Variants in CELF4 observed in about 807,000 individuals in gnomAD.
CELF4 encodes CUGBP Elav-like family member 4.
CELF4 carries 18 observed loss-of-function variants against 59.9 expected under a neutral mutation model. The observed-to-expected ratio is 0.30, with a 90% CI of 0.21 to 0.45. The LOEUF (loss-of-function observed/expected upper bound fraction) is 0.45. CELF4 is among the 20% of genes least tolerant of loss of function. CELF4 has a pLI of 1.00. For missense variants in CELF4, 456 were observed against 689.0 expected, an observed-to-expected ratio of 0.66 and a Z score of 3.79; for synonymous variants, 261 against 267.1, an observed-to-expected ratio of 0.98 and a Z score of 0.22.
chr18:37,506,082 G>A (rs769493834), intron 1 of CELF4, among the ~76,000 whole-genome samples: 855 of 85,070 alleles, frequency 0.01, 17 homozygotes, highest in South Asian at 0.09. Flanking sequence ...CACCCCCAAC[G>A]CCGCCCCCCT....
chr18:37,509,265 C>A (rs1310653592), intron 1 of CELF4, among the ~76,000 whole-genome samples: 2 of 152,180 alleles, frequency 1.3e-5, no homozygotes, highest in Non-Finnish European at 2.9e-5. Context: ...TGGAATTGAT[C>A]TAAATTTATA....
intron 2 of CELF4, among the ~76,000 whole-genome samples, chr18:37,462,648 G>A (rs2099796916): frequency 6.6e-6 from 1 of 152,190 alleles, no homozygotes; most frequent in African/African-American, 2.4e-5. Flanking sequence ...GGAGAGGGGA[G>A]TAGGGTTGTT....
intron 1 of CELF4, among the ~76,000 whole-genome samples, chr18:37,501,491 G>A (rs1024986501): frequency 6.6e-6 from 1 of 152,226 alleles, no homozygotes; most frequent in African/African-American, 2.4e-5. Flanking sequence ...CCTGGCCTGG[G>A]AAGAGAAGGC....
At chr18:37,255,876 C>T (rs970741225) in intron 11 of CELF4, among the ~76,000 whole-genome samples, 5 of 152,142 alleles carry the variant, frequency 3.3e-5, no homozygotes, top group East Asian at 3.9e-4. Flanking sequence ...ACAGGCGTAG[C>T]GGCAGGCAGA....
At chr18:37,377,914 A>T (rs2098989625) in intron 2 of CELF4, among the ~76,000 whole-genome samples, 1 of 152,142 alleles carries the variant, frequency 6.6e-6, no homozygotes, top group South Asian at 2.1e-4. Context: ...ACTAGGGGGA[A>T]CAGGAGAGCC....
intron 2 of CELF4, among the ~76,000 whole-genome samples, chr18:37,364,741 T>G (rs562351679): frequency 6.6e-6 from 1 of 152,320 alleles, no homozygotes; most frequent in South Asian, 2.1e-4. Context: ...CATACTCAAA[T>G]GCTCTCATCA....
In CELF4 at chr18:37,254,862, T is replaced by TATGAAGA. The variant is rs2068197153; in HGVS notation, c.1334-925_1334-924insTCTTCAT. ...TTTGGGGAACTCTGAATGCATCTCT[T>TATGAAGA]CATACAGACAACATTTTACATCAGC... On this transcript the variant is annotated intron_variant, in intron 11 of 12. Coordinates refer to ENST00000420428, the MANE Select transcript of CELF4 (RefSeq NM_020180.4). The surrounding 1 kb of genome is among the most constrained non-coding windows in gnomAD (Gnocchi z 5.1). 3.9e-5 allele frequency among the ~76,000 whole-genome samples: 6 copies of TATGAAGA among 152,318 alleles called. No homozygotes were observed. Among genetic ancestry groups the TATGAAGA allele is most frequent in the African/African-American group, 1.4e-4 (6 of 41,586 alleles).
At chr18:37,313,246 A>G (rs1045277060) in intron 3 of CELF4, among the ~76,000 whole-genome samples, 5 of 152,158 alleles carry the variant, frequency 3.3e-5, no homozygotes, top group Admixed American at 6.5e-5. Context: ...TTATGGACTC[A>G]GCGTAATTTC....
chr18:37,265,711 A>G (rs950021944), intron 9 of CELF4, among the ~76,000 whole-genome samples: 1 of 152,088 alleles, frequency 6.6e-6, no homozygotes, highest in Non-Finnish European at 1.5e-5. Context: ...AGCTCAGGGG[A>G]CCCAAGAGGT....
At chr18:37,421,178 G>C (rs1285816952) in intron 2 of CELF4, among the ~76,000 whole-genome samples, 2 of 152,196 alleles carry the variant, frequency 1.3e-5, no homozygotes, top group Admixed American at 6.5e-5. Context: ...GGGTCATGGG[G>C]CAGGGCTAAC....
rs2061084467 is a variant in CELF4, at chr18:37,243,845, C to T, written c.*1397G>A. 1 of 173,864 alleles carries T rather than the reference C, an allele frequency of 5.8e-6. No homozygotes were observed. The highest frequency in any genetic ancestry group is 1.4e-4 in the East Asian group (1 of 7,070). 10.8% of individuals were successfully genotyped at this position (173,864 alleles called of 1,614,324 possible). ...AAGTCTCTGGAGCAAGCGTGGAAGG[C>T]GAGTGAAGCGGAAGGTGAGTGAAGC... is the stretch of plus-strand genomic sequence containing the variant. On this transcript the variant is annotated 3_prime_UTR_variant, in exon 13 of 13. Coordinates refer to ENST00000420428, the MANE Select transcript of CELF4 (RefSeq NM_020180.4).
At chr18:37,255,395 T>C (rs908007855) in intron 11 of CELF4, among the ~76,000 whole-genome samples, 4 of 151,886 alleles carry the variant, frequency 2.6e-5, no homozygotes, top group African/African-American at 7.3e-5. Flanking sequence ...TCTCCTCTCC[T>C]TCCTGCCTTG....
chr18:37,252,286 C>T (rs1026125660), intron 12 of CELF4, among the ~76,000 whole-genome samples: 7 of 152,164 alleles, frequency 4.6e-5, no homozygotes, highest in Admixed American at 2.6e-4. Context: ...TCAAAATACA[C>T]CTAGAAATTA....
chr18:37,299,604 G>A (rs991349205), intron 3 of CELF4, among the ~76,000 whole-genome samples: 7 of 152,174 alleles, frequency 4.6e-5, no homozygotes, highest in African/African-American at 9.7e-5. Flanking sequence ...TGTCTCCTGC[G>A]GCGTGAGCAC....
At position 37,243,046 on chromosome 18, in the gene CELF4, T is replaced by A. The variant is rs905572974; in HGVS notation, c.*2196A>T. On this transcript the variant is annotated 3_prime_UTR_variant, in exon 13 of 13. Coordinates refer to ENST00000420428, the MANE Select transcript of CELF4 (RefSeq NM_020180.4). ...ACAGACCAATGAAGAAATATTTTTT[T>A]AAACTGTGCTTTATTTAGGGCTAAG... The A allele has an allele frequency of 1.3e-5, 2 of 152,198 alleles. No homozygotes were observed. Among genetic ancestry groups the A allele is most frequent in the Admixed American group, 6.5e-5 (1 of 15,282 alleles). 9.4% of individuals were successfully genotyped at this position (152,198 alleles called of 1,614,324 possible). A position where few individuals can be genotyped will look rare whatever the true frequency, so the allele number is the denominator to read the frequency against.
intron 2 of CELF4, among the ~76,000 whole-genome samples, chr18:37,443,504 G>A (rs113039586): frequency 2.6e-4 from 40 of 152,250 alleles, no homozygotes; most frequent in African/African-American, 9.6e-4. Context: ...TGCATGTGCC[G>A]AAGTGTTTTG....
intron 2 of CELF4, among the ~76,000 whole-genome samples, chr18:37,451,666 T>C (rs2099764405): frequency 6.6e-6 from 1 of 152,184 alleles, no homozygotes; most frequent in Admixed American, 6.5e-5. Flanking sequence ...CAGTGGCTCC[T>C]GACAGGGGTC....
At chr18:37,480,403 C>T (rs2099863278) in intron 2 of CELF4, among the ~76,000 whole-genome samples, 1 of 152,216 alleles carries the variant, frequency 6.6e-6, no homozygotes, top group Non-Finnish European at 1.5e-5. Flanking sequence ...TGTAAAACTA[C>T]CCCGAAGAAT....
intron 2 of CELF4, among the ~76,000 whole-genome samples, chr18:37,441,273 C>CGGTGTGTG (rs2099716513): frequency 7.0e-6 from 1 of 143,332 alleles, no homozygotes; most frequent in African/African-American, 2.6e-5. Flanking sequence ...CTCAACAATG[C>CGGTGTGTG]TGTGTGTGTG....
Sources: allele counts gnomAD v4.1 joint callset (sites outside exome capture counted in the v4.1 genomes callset), GRCh38; gene constraint gnomAD v4.1.1; non-coding constraint Gnocchi (gnomAD v3.1); transcripts MANE v1.5; gene names NCBI Gene and HGNC (gene_info 2026-07-23, HGNC 2026-07-21).